Variants in ITGA6 observed in about 807,000 individuals in gnomAD.
ITGA6 encodes integrin subunit alpha 6.
In ITGA6, 63 loss-of-function variants were observed where a neutral mutation model predicts 133.6. That is an observed-to-expected ratio of 0.47 (90% CI 0.38 to 0.58). The LOEUF is 0.58. Ranked by LOEUF, ITGA6 falls within the 20% of genes least tolerant of loss-of-function variation. The probability of loss-of-function intolerance (pLI) is 0.00; values close to 1 mark genes in which losing one functional copy is unlikely to be tolerated. For missense variants in ITGA6, 1,068 were observed against 1,309.4 expected (o/e 0.82, Z 2.85); for synonymous variants, 434 against 482.0 (o/e 0.90, Z 1.30).
rs1449034834 is a variant in ITGA6, at chr2:172,505,267, G to T, written c.*1199G>T. On this transcript the variant is annotated 3_prime_UTR_variant, in exon 26 of 26. Coordinates refer to ENST00000684293, the MANE Select transcript of ITGA6 (RefSeq NM_000210.4). Reference sequence around the variant, plus strand: ...ATTCAGGAATTCTTGGAGAAAATGGGTTTATTCACTGAACTCTAGTGCGGT... The same window carrying T: ...ATTCAGGAATTCTTGGAGAAAATGGTTTTATTCACTGAACTCTAGTGCGGT... 2 of 152,194 alleles carry T rather than the reference G, an allele frequency of 1.3e-5. No individual in the cohort carries two copies. The highest frequency in any genetic ancestry group is 2.9e-5 in the Non-Finnish European group (2 of 68,036). 9.4% of individuals were successfully genotyped at this position (152,194 alleles called of 1,614,324 possible). A position where few individuals can be genotyped will look rare whatever the true frequency, so the allele number is the denominator to read the frequency against.
At chr2:172,482,387 T>G (rs1350026412) in intron 11 of ITGA6, among the ~76,000 whole-genome samples, 2 of 152,226 alleles carry the variant, frequency 1.3e-5, no homozygotes, top group Admixed American at 1.3e-4. Flanking sequence ...TGTGAGCTTA[T>G]TGTTTGACTG....
chr2:172,468,219 G>T (rs3792255), intron 3 of ITGA6, among the ~76,000 whole-genome samples: 3 of 152,008 alleles, frequency 2.0e-5, no homozygotes. Flanking sequence ...GTAATAACCA[G>T]GTAGTTTTAA....
At chr2:172,485,912 C>T (rs769203361) in intron 13 of ITGA6, among the ~76,000 whole-genome samples, 2 of 152,086 alleles carry the variant, frequency 1.3e-5, no homozygotes, top group Admixed American at 6.6e-5. Context: ...TGTGGTGGCT[C>T]ATGCCTGTAA....
intron 11 of ITGA6, among the ~76,000 whole-genome samples, chr2:172,481,667 T>TGA (rs1261606571): frequency 6.6e-6 from 1 of 152,174 alleles, no homozygotes; most frequent in Non-Finnish European, 1.5e-5. Context: ...TGCTGTGTGG[T>TGA]CTCTCCATGG....
At chr2:172,460,423 A>G (rs1474156869) in intron 1 of ITGA6, among the ~76,000 whole-genome samples, 1 of 152,246 alleles carries the variant, frequency 6.6e-6, no homozygotes, top group East Asian at 1.9e-4. Context: ...TAAAACTCAG[A>G]GTAGCAAATA....
At chr2:172,438,813 T>A (rs1185727713) in intron 1 of ITGA6, among the ~76,000 whole-genome samples, 1 of 151,780 alleles carries the variant, frequency 6.6e-6, no homozygotes, top group African/African-American at 2.4e-5. Flanking sequence ...AGGTCAAAGG[T>A]TAAGTTTCCC....
chr2:172,476,202 G>A (rs1337039010), intron 8 of ITGA6, among the ~76,000 whole-genome samples, 193 bp from the exon 9 acceptor site: 1 of 152,066 alleles, frequency 6.6e-6, no homozygotes, highest in Non-Finnish European at 1.5e-5. Flanking sequence ...TATGTAAATC[G>A]GATGACTTTT....
At chr2:172,463,493 G>T (rs1348293906) in intron 1 of ITGA6, among the ~76,000 whole-genome samples, 1 of 152,070 alleles carries the variant, frequency 6.6e-6, no homozygotes, top group Non-Finnish European at 1.5e-5. Context: ...TGTTTTATTT[G>T]TGTAAGTTTT....
chr2:172,459,011 A>G (rs974721578), intron 1 of ITGA6, among the ~76,000 whole-genome samples: 4 of 152,186 alleles, frequency 2.6e-5, no homozygotes, highest in Admixed American at 2.0e-4. Context: ...GGAAAATGAG[A>G]GAAAGGGTAG....
intron 5 of ITGA6, chr2:172,472,625 T>C: frequency 3.3e-6 from 2 of 601,144 alleles, no homozygotes; most frequent in African/African-American, 1.8e-5. Flanking sequence ...CAAAACGATC[T>C]GCTTGAGGTT....
At chr2:172,480,202 A>G in intron 11 of ITGA6, 151 bp downstream of exon 11, 1 of 682,430 alleles carries the variant, frequency 1.5e-6, no homozygotes, top group Non-Finnish European at 2.7e-6. Flanking sequence ...CTCCCTTTTA[A>G]TCAGGAGGGC....
chr2:172,476,902 T>C (rs568243600), intron 9 of ITGA6, among the ~76,000 whole-genome samples: 2 of 152,374 alleles, frequency 1.3e-5, no homozygotes, highest in East Asian at 1.9e-4. Flanking sequence ...GGACCATGTA[T>C]ATTTAACAAA....
In ITGA6 at chr2:172,485,143, G is replaced by A. The variant is rs533796307; in HGVS notation, c.1733G>A (p.Arg578His). Reference sequence around the variant, plus strand: ...CAGGATAATATCAGAGATAAACTGCGTCCCATTCCCATAACTGCCTCAGTG... The same window carrying A: ...CAGGATAATATCAGAGATAAACTGCATCCCATTCCCATAACTGCCTCAGTG... The part of the protein sequence containing the change: ...WLQDNIRDKL[R>H]PIPITASVEI... Residue 578 changes from arginine to histidine, a missense_variant, in exon 13 of 26, where the codon CGT becomes CAT. Physicochemically the swap from Arg to His is conservative, Grantham distance 29. Transcript: ENST00000684293. 2.6e-5 allele frequency: 42 copies of A among 1,613,854 alleles called. No individual in the cohort carries two copies. The highest frequency in any genetic ancestry group is 3.2e-5 in the Non-Finnish European group (38 of 1,179,894).
chr2:172,467,722 C>T (rs1215525171), intron 3 of ITGA6, among the ~76,000 whole-genome samples, 162 bp downstream of exon 3: 1 of 152,180 alleles, frequency 6.6e-6, no homozygotes, highest in Non-Finnish European at 1.5e-5. Context: ...CGTGGTGGCT[C>T]ATGCCTGTAA....
At chr2:172,447,698 A>AC (rs1272148122) in intron 1 of ITGA6, among the ~76,000 whole-genome samples, 1 of 152,146 alleles carries the variant, frequency 6.6e-6, no homozygotes, top group Non-Finnish European at 1.5e-5. Flanking sequence ...GTGTTGGTGG[A>AC]CCAAGGTCAC....
At position 172,427,675 on chromosome 2, in the gene ITGA6, G is replaced by A; in HGVS notation, c.-114G>A. 7.5e-7 allele frequency: 1 copy of A among 1,334,244 alleles called. No individual in the cohort carries two copies. Among genetic ancestry groups the A allele is most frequent in the Non-Finnish European group, 9.6e-7 (1 of 1,044,214 alleles). The allele number at this position is 1,334,244 out of a possible 1,614,324, so 82.7% of individuals were successfully genotyped here. ...CGTCCCGGGGGTGGGGCCGGGCGCA[G>A]CGGCGAGAGGAGGCGAAGGTGGCTG... On this transcript the variant is annotated 5_prime_UTR_variant, in exon 1 of 26. Transcript: ENST00000684293.
At chr2:172,500,010 G>A (rs1687285012) in intron 24 of ITGA6, among the ~76,000 whole-genome samples, 3 of 152,118 alleles carry the variant, frequency 2.0e-5, no homozygotes, top group African/African-American at 7.2e-5. Flanking sequence ...AACCCCACAT[G>A]AGAAGCATTT....
chr2:172,460,208 T>C (rs561810352), intron 1 of ITGA6, among the ~76,000 whole-genome samples: 4 of 152,290 alleles, frequency 2.6e-5, no homozygotes, highest in South Asian at 2.1e-4. Flanking sequence ...TGTAAAAGAA[T>C]AGATGACTGA....
chr2:172,498,721 T>G, intron 24 of ITGA6, among the ~76,000 whole-genome samples: 1 of 152,204 alleles, frequency 6.6e-6, no homozygotes. Flanking sequence ...TATGAAAAAC[T>G]GCGTATGAGA....
Sources: allele counts gnomAD v4.1 joint callset (sites outside exome capture counted in the v4.1 genomes callset), GRCh38; gene constraint gnomAD v4.1.1; transcripts MANE v1.5; gene names NCBI Gene and HGNC (gene_info 2026-07-23, HGNC 2026-07-21).